Variants in KIF3B observed in about 807,000 individuals in gnomAD.
KIF3B encodes the protein kinesin-like protein KIF3B.
Under a neutral mutation model 74.3 loss-of-function variants are expected in KIF3B, and 38 were observed. The observed-to-expected ratio is 0.51, with a 90% CI of 0.39 to 0.67. The LOEUF (loss-of-function observed/expected upper bound fraction) is 0.67. Among genes scored for constraint, KIF3B ranks in the 30% least tolerant of loss-of-function variants. KIF3B has a pLI of 0.00. For missense variants in KIF3B, 649 were observed against 932.0 expected, an observed-to-expected ratio of 0.70 and a Z score of 3.95; for synonymous variants, 326 against 342.5, an observed-to-expected ratio of 0.95 and a Z score of 0.53.
chr20:32,310,245 C>A lies in KIF3B; in HGVS notation c.468C>A (p.Leu156=). The change falls in exon 2 of 9, where the codon CTC becomes CTA. Residue 156 remains leucine, a synonymous_variant. Coordinates refer to ENST00000375712, the MANE Select transcript of KIF3B (RefSeq NM_004798.4). The surrounding 1 kb of genome is among the most constrained non-coding windows in gnomAD (Gnocchi z 6.5). ...EIYQEEIRDL[L]SKDQTKRLEL... ...ACCAGGAGGAGATCCGAGATTTGCT[C>A]TCAAAGGATCAGACCAAAAGGCTTG... is the stretch of plus-strand genomic sequence containing the variant. The A allele has an allele frequency of 1.9e-6, 3 of 1,613,940 alleles. No homozygotes were observed. The highest frequency in any genetic ancestry group is 2.5e-6 in the Non-Finnish European group (3 of 1,179,946).
chr20:32,289,482 A>G (rs1473123825), intron 1 of KIF3B, among the ~76,000 whole-genome samples: 1 of 152,154 alleles, frequency 6.6e-6, no homozygotes, highest in Non-Finnish European at 1.5e-5. Flanking sequence ...GGGAGCCACC[A>G]TGCTCGGCCA....
At chr20:32,318,804 G>A (rs535405769) in intron 5 of KIF3B, among the ~76,000 whole-genome samples, 1 of 152,252 alleles carries the variant, frequency 6.6e-6, no homozygotes, top group East Asian at 1.9e-4. Context: ...ATAAGGTTTT[G>A]TATGGATGTG....
At chr20:32,282,485 G>T (rs1456257328) in intron 1 of KIF3B, among the ~76,000 whole-genome samples, 1 of 152,172 alleles carries the variant, frequency 6.6e-6, no homozygotes, top group East Asian at 1.9e-4. Context: ...GGAAATCCCA[G>T]ATTATGCTGG....
chr20:32,294,413 T>A (rs759073010), intron 1 of KIF3B, among the ~76,000 whole-genome samples: 18 of 152,136 alleles, frequency 1.2e-4, no homozygotes, highest in South Asian at 4.1e-4. Context: ...TCTGGACTTT[T>A]CTCCAAAGAA....
intron 1 of KIF3B, among the ~76,000 whole-genome samples, chr20:32,287,872 CTTTTTTTTTT>C (rs10699896): frequency 8.2e-4 from 39 of 47,498 alleles, no homozygotes; most frequent in East Asian, 2.9e-3. Context: ...CTAAAAGTAT[CTTTTTTTTTT>C]TTTTTTTTTT....
chr20:32,331,085 C>T, intron 8 of KIF3B, 138 bp from the exon 9 acceptor site: 1 of 697,856 alleles, frequency 1.4e-6, no homozygotes, highest in Admixed American at 2.7e-5. Context: ...TCAGGCTGTG[C>T]CAGTGTAGTG....
At chr20:32,285,964 T>C (rs1314814951) in intron 1 of KIF3B, among the ~76,000 whole-genome samples, 2 of 152,242 alleles carry the variant, frequency 1.3e-5, no homozygotes, top group African/African-American at 2.4e-5. Context: ...ATTGCGGACA[T>C]TGAGCTCTTC....
intron 5 of KIF3B, among the ~76,000 whole-genome samples, chr20:32,320,936 G>A (rs922297472): frequency 7.2e-5 from 11 of 151,886 alleles, no homozygotes; most frequent in Admixed American, 5.9e-4. Context: ...TTTTGTGGAC[G>A]CATGTTTCAT....
chr20:32,306,394 C>A (rs1301220744), intron 1 of KIF3B, among the ~76,000 whole-genome samples: 1 of 150,402 alleles, frequency 6.6e-6, no homozygotes, highest in East Asian at 2.0e-4. Flanking sequence ...GATTCCGTCT[C>A]AAAGAAAAAA....
intron 1 of KIF3B, among the ~76,000 whole-genome samples, chr20:32,304,155 A>G (rs1439198415): frequency 6.6e-6 from 1 of 152,192 alleles, no homozygotes; most frequent in African/African-American, 2.4e-5. Flanking sequence ...AGACAATAAT[A>G]TTTTATTACA....
chr20:32,322,270 G>C (rs935442827), intron 5 of KIF3B, among the ~76,000 whole-genome samples: 4 of 151,770 alleles, frequency 2.6e-5, no homozygotes, highest in Admixed American at 1.3e-4. Flanking sequence ...TATGGTATAT[G>C]ACATTGTTTT....
chr20:32,299,403 A>ATATATATATATTTT (rs1555895046), intron 1 of KIF3B, among the ~76,000 whole-genome samples: 7 of 9,024 alleles, frequency 7.8e-4, no homozygotes, highest in African/African-American at 1.2e-3. Flanking sequence ...ATATATATAT[A>ATATATATATATTTT]TTTTTTTTTT....
intron 2 of KIF3B, among the ~76,000 whole-genome samples, chr20:32,312,120 C>CT (rs35069528): frequency 0.35 from 47,245 of 136,716 alleles, 8,930 homozygotes; most frequent in East Asian, 0.68. Context: ...TTCTTTCTTT[C>CT]TTTTTTTTTT....
chr20:32,298,124 T>G (rs1256622402), intron 1 of KIF3B, among the ~76,000 whole-genome samples: 1 of 121,872 alleles, frequency 8.2e-6, no homozygotes, highest in Admixed American at 8.6e-5. Flanking sequence ...AAAAAAAAAT[T>G]GTTGTTTTTT....
At chr20:32,292,616 G>A (rs2047698095) in intron 1 of KIF3B, among the ~76,000 whole-genome samples, 1 of 151,246 alleles carries the variant, frequency 6.6e-6, no homozygotes, top group African/African-American at 2.4e-5. Context: ...AGAAAAGTCG[G>A]GTCCAGTGGC....
intron 1 of KIF3B, among the ~76,000 whole-genome samples, chr20:32,284,377 G>A (rs1371198131): frequency 6.6e-6 from 1 of 152,192 alleles, no homozygotes; most frequent in Admixed American, 6.5e-5. Flanking sequence ...GTGTGGAGAG[G>A]TCACTTGTTT....
At chr20:32,331,133 G>T in intron 8 of KIF3B, 90 bp from the exon 9 acceptor site, 3 of 929,850 alleles carry the variant, frequency 3.2e-6, no homozygotes, top group Non-Finnish European at 3.4e-6. Flanking sequence ...GGCCATTGAA[G>T]AATGGCCTGA....
intron 1 of KIF3B, among the ~76,000 whole-genome samples, chr20:32,302,903 A>G (rs2047751144): frequency 1.3e-5 from 2 of 152,230 alleles, no homozygotes; most frequent in Admixed American, 6.5e-5. Flanking sequence ...AATAGCATGT[A>G]GAAGAAGTTT....
At chr20:32,330,078 T>C (rs1401927767) in intron 7 of KIF3B, 63 bp from the exon 8 acceptor site, 1 of 1,461,944 alleles carries the variant, frequency 6.8e-7, no homozygotes, top group East Asian at 2.4e-5. Flanking sequence ...GGGCCCTCGA[T>C]TGCTTGTACT....
Sources: gnomAD v4.1 joint callset for allele counts (sites outside exome capture counted in the v4.1 genomes callset) on GRCh38, gnomAD v4.1.1 for gene constraint, Gnocchi (gnomAD v3.1) non-coding constraint, MANE v1.5 for transcripts, NCBI Gene and HGNC (gene_info 2026-07-23, HGNC 2026-07-21) for gene names.